NEK6: variants seen among roughly 807,000 people sequenced by gnomAD.
The protein encoded by NEK6 is NIMA related kinase 6, also known as serine/threonine-protein kinase Nek6.
NEK6 carries 27 observed loss-of-function variants against 43.5 expected under a neutral mutation model. That is an observed-to-expected ratio of 0.62 (90% confidence interval 0.46 to 0.86). The LOEUF (loss-of-function observed/expected upper bound fraction) is 0.86, where lower values mean the gene tolerates loss of function less well. Among genes scored for constraint, NEK6 ranks in the 40% least tolerant of loss-of-function variants. The probability of loss-of-function intolerance (pLI) is 0.00; values close to 1 mark genes in which losing one functional copy is unlikely to be tolerated. For synonymous variants in NEK6, 167 were observed against 164.1 expected, an observed-to-expected ratio of 1.02 and a Z score of -0.14; for missense variants, 318 against 414.4, an observed-to-expected ratio of 0.77 and a Z score of 2.02.
At chr9:124,288,803 T>C (rs532989009) in intron 1 of NEK6, among the ~76,000 whole-genome samples, 1 of 151,980 alleles carries the variant, frequency 6.6e-6, no homozygotes, top group African/African-American at 2.4e-5. Context: ...GAATTTGTAC[T>C]CGGGGCTCTC....
intron 1 of NEK6, among the ~76,000 whole-genome samples, chr9:124,296,229 C>T (rs547299809): frequency 7.9e-5 from 12 of 152,370 alleles, no homozygotes; most frequent in East Asian, 5.8e-4. Context: ...CAGTACCATT[C>T]GCTCGGGGCG....
At chr9:124,325,352 G>A (rs1371725611) in intron 5 of NEK6, among the ~76,000 whole-genome samples, 1 of 152,234 alleles carries the variant, frequency 6.6e-6, no homozygotes, top group Non-Finnish European at 1.5e-5. Context: ...GTCTGAAAGT[G>A]CTGGCCCAGC....
At chr9:124,336,731 G>A (rs988442701) in intron 7 of NEK6, among the ~76,000 whole-genome samples, 1 of 152,114 alleles carries the variant, frequency 6.6e-6, no homozygotes, top group Non-Finnish European at 1.5e-5. Flanking sequence ...AGGCCAGGCT[G>A]GGTGCAGTGG....
chr9:124,293,126 A>C, intron 1 of NEK6: 1 of 1,244,036 alleles, frequency 8.0e-7, no homozygotes, highest in South Asian at 2.5e-5. Context: ...CATTGTGGTC[A>C]CCAAGGATCA....
chr9:124,328,373 T>TA (rs1828781789), intron 7 of NEK6, among the ~76,000 whole-genome samples: 2 of 152,128 alleles, frequency 1.3e-5, no homozygotes, highest in African/African-American at 4.8e-5. Context: ...CAGAGGCCCA[T>TA]GGAGTGGGCG....
intron 1 of NEK6, among the ~76,000 whole-genome samples, chr9:124,282,371 C>T (rs1339167231): frequency 6.6e-6 from 1 of 152,242 alleles, no homozygotes; most frequent in East Asian, 1.9e-4. Flanking sequence ...CATAGAAAGA[C>T]ACCCGTCATT....
chr9:124,338,942 A>C (rs59329493), intron 7 of NEK6, among the ~76,000 whole-genome samples: 10,836 of 20,418 alleles, frequency 0.53, 977 homozygotes, highest in East Asian at 0.65. Context: ...TGCTTCCCCC[A>C]GCCGGGCCGA....
At chr9:124,292,019 A>G in intron 1 of NEK6, 7 of 990,314 alleles carry the variant, frequency 7.1e-6, no homozygotes, top group Non-Finnish European at 7.2e-6. Context: ...AGGCCCAGGC[A>G]CCTCATGTCT....
chr9:124,298,629 G>A (rs536723129), intron 1 of NEK6, among the ~76,000 whole-genome samples: 2 of 152,268 alleles, frequency 1.3e-5, no homozygotes, highest in South Asian at 4.1e-4. Flanking sequence ...CAGCTGGAGA[G>A]ATGATGGTGT....
intron 1 of NEK6, 36 bp downstream of exon 1, chr9:124,258,121 C>A (rs1331620803): frequency 1.0e-6 from 1 of 978,674 alleles, no homozygotes; most frequent in Non-Finnish European, 1.2e-6. Flanking sequence ...GCCGGTGGGG[C>A]CCCGCGGCCC....
intron 1 of NEK6, among the ~76,000 whole-genome samples, chr9:124,288,419 A>T (rs188081251): frequency 6.6e-6 from 1 of 152,142 alleles, no homozygotes; most frequent in Admixed American, 6.5e-5. Context: ...AGCAGCTGGG[A>T]TTACAGGTAC....
At chr9:124,319,642 G>T (rs1301880495) in intron 4 of NEK6, among the ~76,000 whole-genome samples, 1 of 152,224 alleles carries the variant, frequency 6.6e-6, no homozygotes, top group East Asian at 1.9e-4. Context: ...ATGGTGAAAA[G>T]TAGGGGTTCC....
At chr9:124,264,196 G>A (rs935793592) in intron 1 of NEK6, among the ~76,000 whole-genome samples, 1 of 152,232 alleles carries the variant, frequency 6.6e-6, no homozygotes, top group African/African-American at 2.4e-5. Flanking sequence ...TGAGCCGGTG[G>A]AGAGATCCTT....
At chr9:124,282,960 G>A (rs1299154783) in intron 1 of NEK6, among the ~76,000 whole-genome samples, 3 of 152,192 alleles carry the variant, frequency 2.0e-5, no homozygotes, top group African/African-American at 4.8e-5. Flanking sequence ...AGCCTCCCCC[G>A]CTTTGTGGAC....
At position 124,336,641 on chromosome 9, in the gene NEK6, G is replaced by A. The variant is rs117010165; in HGVS notation, c.623-2930G>A. ...TCCAGCTCACCACAGAGACTGGTGA[G>A]GACAGCAGCAGCCTCTGTCACATGA... On this transcript the variant is annotated intron_variant, in intron 7 of 9. Transcript: ENST00000320246. Among the ~76,000 whole-genome samples the A allele has an allele frequency of 1.0e-3, 157 of 152,314 alleles. 1 individual carries two copies. In the East Asian group the frequency reaches 0.027, roughly 26 times the overall value.
chr9:124,277,405 C>T (rs1402673960), intron 1 of NEK6, among the ~76,000 whole-genome samples: 3 of 152,214 alleles, frequency 2.0e-5, no homozygotes, highest in African/African-American at 7.2e-5. Flanking sequence ...GAGCTTGTGC[C>T]ATTGCACTCC....
chr9:124,271,397 A>G (rs1163267338), intron 1 of NEK6, among the ~76,000 whole-genome samples: 2 of 152,250 alleles, frequency 1.3e-5, no homozygotes, highest in African/African-American at 4.8e-5. Flanking sequence ...CAGCACCCAC[A>G]GGGAGTGACG....
intron 5 of NEK6, among the ~76,000 whole-genome samples, chr9:124,325,722 G>A (rs1444068131): frequency 6.6e-6 from 1 of 152,256 alleles, no homozygotes; most frequent in Non-Finnish European, 1.5e-5. Flanking sequence ...CACTAAATAT[G>A]TTTTCCCAGG....
chr9:124,279,394 C>G (rs531488597), intron 1 of NEK6, among the ~76,000 whole-genome samples: 2 of 151,850 alleles, frequency 1.3e-5, no homozygotes, highest in Admixed American at 6.6e-5. Context: ...CTCTGCTCCC[C>G]GGGTTCAAGC....
Sources: gnomAD v4.1 joint callset for allele counts (sites outside exome capture counted in the v4.1 genomes callset) on GRCh38, gnomAD v4.1.1 for gene constraint, MANE v1.5 for transcripts, NCBI Gene and HGNC (gene_info 2026-07-23, HGNC 2026-07-21) for gene names.